The following CHD2 variants were observed in gnomAD, a reference collection of about 807,000 sequenced individuals.
The protein encoded by CHD2 is chromodomain helicase DNA binding protein 2.
A neutral mutation model predicts 243.9 loss-of-function variants in CHD2; 28 were observed. The ratio of observed to expected loss-of-function variants is 0.11; its 90% CI spans 0.09 to 0.16. The LOEUF (loss-of-function observed/expected upper bound fraction) is 0.16, where lower values mean the gene tolerates loss of function less well. Ranked by LOEUF, CHD2 falls within the 10% of genes least tolerant of loss-of-function variation. The probability of loss-of-function intolerance (pLI) is 1.00; values close to 1 mark genes in which losing one functional copy is unlikely to be tolerated. For synonymous variants in CHD2, 775 were observed against 779.0 expected (o/e 0.99, Z 0.09); for missense variants, 1,386 against 2,209.8 (o/e 0.63, Z 7.47).
At chr15:92,902,135 AG>A in intron 2 of CHD2, 1 of 397,884 alleles carries the variant, frequency 2.5e-6, no homozygotes, top group Non-Finnish European at 4.4e-6. Flanking sequence ...CTCACAATTT[AG>A]ATGTAGCTGC....
At chr15:92,914,089 A>T (rs772621798) in intron 2 of CHD2, among the ~76,000 whole-genome samples, 1 of 152,246 alleles carries the variant, frequency 6.6e-6, no homozygotes, top group African/African-American at 2.4e-5. Flanking sequence ...ATAAAAGTCT[A>T]AAGTTTATAA....
At chr15:92,958,041 G>A (rs79714160) in intron 16 of CHD2, among the ~76,000 whole-genome samples, 1,653 of 152,236 alleles carry the variant, frequency 0.011, 28 homozygotes, top group African/African-American at 0.034. Context: ...GTTACCGGTT[G>A]ATGGACATTT....
intron 26 of CHD2, among the ~76,000 whole-genome samples, chr15:92,988,852 A>G (rs1052281383): frequency 2.6e-5 from 4 of 151,556 alleles, no homozygotes; most frequent in Non-Finnish European, 5.9e-5. Flanking sequence ...TTCTGTTTCT[A>G]TTGATATCAT....
Position 92,924,549 on chromosome 15 carries a change from G to A in CHD2, c.291G>A (p.Lys97=). The A allele has an allele frequency of 6.2e-7, 1 of 1,613,260 alleles. No individual in the cohort carries two copies. The highest frequency in any genetic ancestry group is 8.5e-7 in the Non-Finnish European group (1 of 1,179,226). ...AGAAGGAACGGATAGCTGATGTGAAGAAGGTATCTACTTTGCCCTGCAGTA... is the reference window on the plus strand; with the variant it reads ...AGAAGGAACGGATAGCTGATGTGAAAAAGGTATCTACTTTGCCCTGCAGTA... ...ASKKERIADV[K]KMWEEYPDVY... The change falls in exon 3 of 39, where the codon AAG becomes AAA. Residue 97 remains lysine, a synonymous_variant. Transcript: ENST00000394196.
chr15:92,935,561 G>A (rs1382075022), intron 5 of CHD2, among the ~76,000 whole-genome samples: 95 of 152,290 alleles, frequency 6.2e-4, no homozygotes, highest in Admixed American at 1.3e-3. Flanking sequence ...TTATCTGAAG[G>A]ACTAGCTGTT....
At chr15:92,906,143 A>G (rs1327855243) in intron 2 of CHD2, among the ~76,000 whole-genome samples, 1 of 152,216 alleles carries the variant, frequency 6.6e-6, no homozygotes, top group African/African-American at 2.4e-5. Context: ...TAAGTTTTTT[A>G]TAGAACCAGT....
chr15:92,957,450 C>A (rs2053630453), intron 16 of CHD2, among the ~76,000 whole-genome samples: 2 of 152,308 alleles, frequency 1.3e-5, no homozygotes, highest in East Asian at 3.9e-4. Flanking sequence ...GACATCTTAT[C>A]CCTAACCTGT....
At chr15:92,983,738 A>G (rs10162738) in intron 24 of CHD2, among the ~76,000 whole-genome samples, 106,103 of 152,132 alleles carry the variant, frequency 0.7, 38,449 homozygotes, top group East Asian at 0.99. Flanking sequence ...AATGAAGAGA[A>G]TATTCTTCTA....
intron 6 of CHD2, 138 bp downstream of exon 6, chr15:92,937,763 C>T (rs2053290019): frequency 4.9e-6 from 3 of 617,056 alleles, no homozygotes; most frequent in Non-Finnish European, 8.2e-6. Flanking sequence ...CTGTGGTTCA[C>T]TTTCAGCCAG....
At chr15:92,934,800 TAC>T (rs973014007) in intron 5 of CHD2, among the ~76,000 whole-genome samples, 2 of 152,298 alleles carry the variant, frequency 1.3e-5, no homozygotes, top group African/African-American at 4.8e-5. Flanking sequence ...CAAATATACA[TAC>T]ACACACACTT....
chr15:92,973,662 A>G (rs749413939), intron 19 of CHD2, among the ~76,000 whole-genome samples: 19 of 152,226 alleles, frequency 1.2e-4, no homozygotes, highest in Non-Finnish European at 2.1e-4. Context: ...GAAACAGCCT[A>G]TTGCAAAAAG....
At chr15:92,988,445 T>C (rs138207253) in intron 26 of CHD2, among the ~76,000 whole-genome samples, 7 of 152,234 alleles carry the variant, frequency 4.6e-5, no homozygotes, top group African/African-American at 1.7e-4. Context: ...GCATGTATAC[T>C]GTTTTTATAT....
At chr15:92,958,823 G>C (rs767284410) in intron 16 of CHD2, among the ~76,000 whole-genome samples, 5 of 152,072 alleles carry the variant, frequency 3.3e-5, no homozygotes, top group Non-Finnish European at 7.3e-5. Flanking sequence ...TATAAAGTTG[G>C]CTTTGCGTTA....
At chr15:92,996,483 C>T (rs1191071930) in intron 28 of CHD2, among the ~76,000 whole-genome samples, 1 of 152,058 alleles carries the variant, frequency 6.6e-6, no homozygotes, top group Non-Finnish European at 1.5e-5. Flanking sequence ...TTTCTTAAGC[C>T]ACCACTTGTT....
chr15:92,985,366 C>G, intron 25 of CHD2, 132 bp from the exon 26 acceptor site: 1 of 852,212 alleles, frequency 1.2e-6, no homozygotes. Context: ...CCTTATTTGT[C>G]AAAGGAAAAT....
Position 93,019,937 on chromosome 15 carries a change from A to AG in CHD2, c.4907-75_4907-74insG. On this transcript the variant is annotated intron_variant, in intron 37 of 38. Transcript: ENST00000394196. ...AAACAGAGCACGACTCCATCTCCAA[A>AG]AAAAAAAAAATTGTAGTGAAAGTGA... 2.6e-6 allele frequency: 4 copies of AG among 1,538,518 alleles called. No homozygotes were observed. In the Middle Eastern group the frequency reaches 7.1e-4, roughly 272 times the overall value.
intron 10 of CHD2, 69 bp from the exon 11 acceptor site, chr15:92,945,752 C>T: frequency 1.3e-5 from 13 of 967,406 alleles, no homozygotes; most frequent in South Asian, 1.9e-5. Flanking sequence ...ACATTTTATT[C>T]ATAGAACCCA....
intron 37 of CHD2, among the ~76,000 whole-genome samples, chr15:93,017,492 A>ATTTTTTTT (rs760713016): frequency 2.0e-4 from 19 of 96,804 alleles, no homozygotes; most frequent in African/African-American, 4.4e-4. Context: ...TGCCGGGCTA[A>ATTTTTTTT]TTTTTTTTTT....
At chr15:92,916,882 A>T (rs1179473971) in intron 2 of CHD2, among the ~76,000 whole-genome samples, 1 of 152,234 alleles carries the variant, frequency 6.6e-6, no homozygotes, top group African/African-American at 2.4e-5. Flanking sequence ...GTTACTGGCT[A>T]TTCTTACAAT....
Sources: gnomAD v4.1 joint callset for allele counts (sites outside exome capture counted in the v4.1 genomes callset) on GRCh38, gnomAD v4.1.1 for gene constraint, MANE v1.5 for transcripts, NCBI Gene and HGNC (gene_info 2026-07-23, HGNC 2026-07-21) for gene names.